The following GSE1 variants were observed in gnomAD, a reference collection of about 807,000 sequenced individuals.
The protein encoded by GSE1 is genetic suppressor element 1.
In GSE1, 32 loss-of-function variants were observed where a neutral mutation model predicts 112.6. That is an observed-to-expected ratio of 0.28 (90% confidence interval 0.21 to 0.38). GSE1 has a LOEUF of 0.38. GSE1 is among the 10% of genes least tolerant of loss of function. The probability of loss-of-function intolerance (pLI) is 1.00; values close to 1 mark genes in which losing one functional copy is unlikely to be tolerated. For missense variants in GSE1, 2,348 were observed against 1,699.2 expected (o/e 1.38, Z -6.71); for synonymous variants, 1,115 against 735.6 (o/e 1.52, Z -8.35).
chr16:85,430,073 G>A (rs375560711), intron 2 of GSE1, among the ~76,000 whole-genome samples: 4 of 152,346 alleles, frequency 2.6e-5, no homozygotes, highest in East Asian at 1.9e-4. Flanking sequence ...TCCATCGGGG[G>A]TTCAGTCGGA....
At chr16:85,653,560 C>G (rs28513950) in intron 3 of GSE1, among the ~76,000 whole-genome samples, 2,930 of 151,754 alleles carry the variant, frequency 0.019, 77 homozygotes, top group South Asian at 0.066. Context: ...CCCAGCTACA[C>G]CCAGGTCCAC....
At chr16:85,501,889 G>A (rs990444111) in intron 2 of GSE1, among the ~76,000 whole-genome samples, 5 of 152,218 alleles carry the variant, frequency 3.3e-5, no homozygotes, top group African/African-American at 9.6e-5. Context: ...TCCTTCACAC[G>A]AGTAATTTTA....
chr16:85,237,628 G>A (rs59743162), intron 1 of GSE1, among the ~76,000 whole-genome samples: 2,604 of 152,154 alleles, frequency 0.017, 67 homozygotes, highest in African/African-American at 0.059. Flanking sequence ...CACGCGGTCA[G>A]GAGATTGAGA....
intron 1 of GSE1, among the ~76,000 whole-genome samples, chr16:85,350,971 G>A (rs1265111623): frequency 6.6e-6 from 1 of 152,182 alleles, no homozygotes; most frequent in Non-Finnish European, 1.5e-5. Context: ...GTAGAGACAG[G>A]GTTTTGCCAT....
At chr16:85,410,537 T>A (rs71183772) in intron 2 of GSE1, among the ~76,000 whole-genome samples, 5 of 12,430 alleles carry the variant, frequency 4.0e-4, no homozygotes, top group Non-Finnish European at 3.1e-4. Context: ...GCCCCCCGGA[T>A]AATCCTCACT....
intron 1 of GSE1, among the ~76,000 whole-genome samples, chr16:85,196,946 G>A (rs1399878392): frequency 6.6e-6 from 1 of 152,174 alleles, no homozygotes; most frequent in East Asian, 1.9e-4. Flanking sequence ...CCTGTACTGC[G>A]TCAGAGGATG....
chr16:85,259,022 G>A (rs558121953), intron 1 of GSE1, among the ~76,000 whole-genome samples: 1 of 152,296 alleles, frequency 6.6e-6, no homozygotes, highest in South Asian at 2.1e-4. Flanking sequence ...TGCCAGGCTG[G>A]GGAGAAGTTC....
intron 2 of GSE1, among the ~76,000 whole-genome samples, chr16:85,465,184 G>A (rs1304174986): frequency 1.3e-5 from 2 of 152,238 alleles, no homozygotes; most frequent in Admixed American, 1.3e-4. Context: ...GTTCCCGGCT[G>A]CATGCAGCGG....
intron 1 of GSE1, among the ~76,000 whole-genome samples, chr16:85,184,125 G>A (rs150410273): frequency 6.6e-6 from 1 of 152,222 alleles, no homozygotes; most frequent in Admixed American, 6.5e-5. Flanking sequence ...GGCTTCTGAG[G>A]ATCCTCTGCA....
intron 1 of GSE1, among the ~76,000 whole-genome samples, chr16:85,303,536 A>G (rs752611665): frequency 2.6e-5 from 4 of 152,196 alleles, no homozygotes; most frequent in South Asian, 2.1e-4. Context: ...GGACTCGCTC[A>G]TTGGACCTTC....
intron 1 of GSE1, among the ~76,000 whole-genome samples, chr16:85,214,225 G>A (rs1011035845): frequency 1.3e-5 from 2 of 151,984 alleles, no homozygotes; most frequent in African/African-American, 2.4e-5. Flanking sequence ...CGGGGAAGCC[G>A]ACTATGCTGG....
chr16:85,567,073 C>T (rs1165643915), intron 1 of GSE1, among the ~76,000 whole-genome samples: 3 of 150,720 alleles, frequency 2.0e-5, no homozygotes, highest in African/African-American at 7.3e-5. Context: ...CACCCCCCTC[C>T]GCCCAATTTC....
At chr16:85,533,872 A>G (rs2044226600) in intron 2 of GSE1, among the ~76,000 whole-genome samples, 1 of 152,144 alleles carries the variant, frequency 6.6e-6, no homozygotes, top group South Asian at 2.1e-4. Flanking sequence ...CTTAAAAATA[A>G]ATAAAATAAA....
intron 1 of GSE1, among the ~76,000 whole-genome samples, chr16:85,184,529 G>A (rs1368555382): frequency 6.6e-6 from 1 of 152,276 alleles, no homozygotes; most frequent in South Asian, 2.1e-4. Context: ...CCCCATGAGA[G>A]CTCCTTTTCT....
At chr16:85,341,838 C>T (rs1481497638) in intron 1 of GSE1, among the ~76,000 whole-genome samples, 1 of 151,922 alleles carries the variant, frequency 6.6e-6, no homozygotes, top group Middle Eastern at 3.2e-3. Flanking sequence ...TTCAGATGGG[C>T]ATCAGGCTTT....
At chr16:85,611,463 C>T (rs2047978179), upstream of GSE1, 5 of 985,188 alleles carry the variant, frequency 5.1e-6, no homozygotes, top group South Asian at 1.4e-4. Context: ...GGGGCGCCGC[C>T]GGTGAGCTGG....
At chr16:85,202,888 C>T (rs1382423982) in intron 1 of GSE1, among the ~76,000 whole-genome samples, 1 of 152,192 alleles carries the variant, frequency 6.6e-6, no homozygotes, top group Non-Finnish European at 1.5e-5. Context: ...CTGTGGGCCT[C>T]CTGGCTGTGC....
intron 3 of GSE1, among the ~76,000 whole-genome samples, chr16:85,651,594 G>C (rs962190578): frequency 2.0e-5 from 3 of 152,316 alleles, no homozygotes; most frequent in Admixed American, 6.5e-5. Context: ...GGCCCACGGC[G>C]CGGGCAGCAT....
intron 1 of GSE1, among the ~76,000 whole-genome samples, chr16:85,296,827 C>T (rs1220403958): frequency 1.3e-4 from 17 of 132,830 alleles, no homozygotes. Context: ...ATGTAACAGT[C>T]GGGGAGACTG....
Sources: allele counts gnomAD v4.1 joint callset (sites outside exome capture counted in the v4.1 genomes callset), GRCh38; gene constraint gnomAD v4.1.1; transcripts MANE v1.5; gene names NCBI Gene and HGNC (gene_info 2026-07-23, HGNC 2026-07-21).